ROBO2: variants seen among roughly 807,000 people sequenced by gnomAD.
The protein encoded by ROBO2 is roundabout homolog 2.
ROBO2 carries 53 observed loss-of-function variants against 160.8 expected under a neutral mutation model. The ratio of observed to expected loss-of-function variants is 0.33; its 90% CI spans 0.26 to 0.41. The LOEUF (loss-of-function observed/expected upper bound fraction) is 0.41. Ranked by LOEUF, ROBO2 falls within the 10% of genes least tolerant of loss-of-function variation. The pLI, the probability that ROBO2 is intolerant of heterozygous loss-of-function variation, is 1.00. For synonymous variants in ROBO2, 664 were observed against 611.7 expected (o/e 1.09, Z -1.26); for missense variants, 1,577 against 1,722.4 (o/e 0.92, Z 1.49).
At chr3:76,293,491 C>T (rs1377650239) in intron 2 of ROBO2, among the ~76,000 whole-genome samples, 2 of 152,016 alleles carry the variant, frequency 1.3e-5, no homozygotes, top group South Asian at 2.1e-4. Context: ...GACAACAGTT[C>T]AAGCTGATGT....
At chr3:76,434,066 C>T in intron 2 of ROBO2, 2 of 1,311,876 alleles carry the variant, frequency 1.5e-6, no homozygotes, top group South Asian at 1.2e-5. Flanking sequence ...GGCAGTGGGC[C>T]TCCTGGAGGC....
intron 2 of ROBO2, among the ~76,000 whole-genome samples, chr3:77,352,453 C>A (rs927747823): frequency 1.3e-5 from 2 of 151,696 alleles, no homozygotes; most frequent in Non-Finnish European, 2.9e-5. Flanking sequence ...TCAGTTTTTA[C>A]ACAAAACAGC....
chr3:75,970,347 G>A lies in ROBO2; in HGVS notation c.109+32745G>A, dbSNP rs977973936. ...GAGCAAGCACATTTTTGAAGCACAG[G>A]GTAATTCTTGACAATAAAACCTGCA... On this transcript the variant is annotated intron_variant, in intron 2 of 26. Coordinates refer to the ROBO2 transcript ENST00000487694. Among the ~76,000 whole-genome samples the A allele has an allele frequency of 3.3e-5, 5 of 151,412 alleles. 1 individual carries two copies. Among genetic ancestry groups the A allele is most frequent in the Non-Finnish European group, 7.4e-5 (5 of 67,642 alleles).
intron 2 of ROBO2, among the ~76,000 whole-genome samples, chr3:76,733,142 C>G (rs537567745): frequency 3.3e-4 from 50 of 152,136 alleles, no homozygotes; most frequent in Admixed American, 7.9e-4. Flanking sequence ...ACAAATTACC[C>G]ATTTGAACAT....
chr3:77,361,530 C>T (rs1038879971), intron 2 of ROBO2, among the ~76,000 whole-genome samples: 1 of 152,096 alleles, frequency 6.6e-6, no homozygotes, highest in African/African-American at 2.4e-5. Flanking sequence ...TCTCACAGTT[C>T]TGGGTGCTGG....
At position 76,323,040 on chromosome 3, in the gene ROBO2, G is replaced by A. The variant is rs545797845; in HGVS notation, c.109+385438G>A. On this transcript the variant is annotated intron_variant, in intron 2 of 26. Transcript: ENST00000487694. Reference sequence around the variant, plus strand: ...TGCTATTTCATGTGGAACAAACAAGGTCATATATGCAAAGTAACTAGCAGT... The same window carrying A: ...TGCTATTTCATGTGGAACAAACAAGATCATATATGCAAAGTAACTAGCAGT... Among the ~76,000 whole-genome samples, 56 of 151,988 alleles carry A rather than the reference G, an allele frequency of 3.7e-4. 1 individual carries two copies. The South Asian group carries it at 0.011, about 30-fold the overall frequency.
chr3:77,219,902 G>C (rs557788315), intron 2 of ROBO2, among the ~76,000 whole-genome samples: 15 of 148,800 alleles, frequency 1.0e-4, no homozygotes, highest in Non-Finnish European at 1.6e-4. Flanking sequence ...TTAAGACAAA[G>C]TTCTTTAGTA....
At chr3:77,434,972 T>G (rs2079136890) in intron 2 of ROBO2, among the ~76,000 whole-genome samples, 1 of 152,078 alleles carries the variant, frequency 6.6e-6, no homozygotes, top group African/African-American at 2.4e-5. Flanking sequence ...TAATATTTTC[T>G]TAGGGCAATG....
intron 2 of ROBO2, among the ~76,000 whole-genome samples, chr3:76,200,971 A>G (rs1047390600): frequency 6.6e-6 from 1 of 152,202 alleles, no homozygotes; most frequent in African/African-American, 2.4e-5. Flanking sequence ...TTTGTGGAGC[A>G]TGAAATCATG....
At chr3:76,031,127 C>T (rs927489500) in intron 2 of ROBO2, among the ~76,000 whole-genome samples, 5 of 152,236 alleles carry the variant, frequency 3.3e-5, no homozygotes, top group African/African-American at 9.6e-5. Context: ...CTCTTCATAG[C>T]AGTTGTGAAT....
chr3:76,324,217 TA>T (rs2072821366), intron 2 of ROBO2, among the ~76,000 whole-genome samples: 1 of 152,080 alleles, frequency 6.6e-6, no homozygotes, highest in South Asian at 2.1e-4. Context: ...GTGCCAAAAG[TA>T]AAACACTGAA....
chr3:76,552,578 T>C (rs2083481683), intron 2 of ROBO2, among the ~76,000 whole-genome samples: 1 of 152,202 alleles, frequency 6.6e-6, no homozygotes, highest in Non-Finnish European at 1.5e-5. Flanking sequence ...CTGCTTCATA[T>C]CATGATATTC....
At chr3:77,299,843 T>C (rs2062490814) in intron 2 of ROBO2, among the ~76,000 whole-genome samples, 1 of 152,050 alleles carries the variant, frequency 6.6e-6, no homozygotes, top group African/African-American at 2.4e-5. Context: ...TGGCAGGCAA[T>C]GTCTGCCAAC....
At chr3:77,640,096 C>CTTTTTTTTTTT (rs1559785171) in intron 24 of ROBO2, among the ~76,000 whole-genome samples, 140 of 97,418 alleles carry the variant, frequency 1.4e-3, no homozygotes, top group Non-Finnish European at 1.8e-3. Flanking sequence ...GCAGAGGAAG[C>CTTTTTTTTTTT]ATTTTTTTTT....
chr3:77,530,209 T>C (rs961173252), intron 6 of ROBO2, among the ~76,000 whole-genome samples: 1 of 151,932 alleles, frequency 6.6e-6, no homozygotes, highest in Non-Finnish European at 1.5e-5. Flanking sequence ...TGAAGAAATA[T>C]GTACCAAGCA....
rs561781038 is a variant in ROBO2 at position 77,295,095 on chromosome 3, T to G, written c.389-182319T>G. Among the ~76,000 whole-genome samples the G allele has an allele frequency of 3.4e-4, 51 of 150,500 alleles. 1 individual carries two copies. Among genetic ancestry groups the G allele is most frequent in the East Asian group, 2.8e-3 (14 of 5,058 alleles). ...AGAGCACTAAAGACATAAAGTAAAT[T>G]TGACGGTTAAAAAGGTAAGCTGAGG... On this transcript the variant is annotated intron_variant, in intron 2 of 25. Transcript: ENST00000461745.
At chr3:77,272,113 G>T (rs903117797) in intron 2 of ROBO2, among the ~76,000 whole-genome samples, 2 of 152,084 alleles carry the variant, frequency 1.3e-5, no homozygotes, top group South Asian at 2.1e-4. Context: ...TTGTCTGATC[G>T]TCTTAAACCC....
chr3:77,287,944 T>C (rs970366550), intron 2 of ROBO2, among the ~76,000 whole-genome samples: 5 of 152,168 alleles, frequency 3.3e-5, no homozygotes, highest in African/African-American at 7.2e-5. Context: ...GACAATATTA[T>C]GTATAAAATT....
chr3:76,594,633 C>T (rs2086626160), intron 2 of ROBO2, among the ~76,000 whole-genome samples: 1 of 151,840 alleles, frequency 6.6e-6, no homozygotes, highest in Non-Finnish European at 1.5e-5. Flanking sequence ...CTAACAACTC[C>T]TCTGTCTCCA....
Sources: allele counts gnomAD v4.1 joint callset (sites outside exome capture counted in the v4.1 genomes callset), GRCh38; gene constraint gnomAD v4.1.1; transcripts MANE v1.5; gene names NCBI Gene and HGNC (gene_info 2026-07-23, HGNC 2026-07-21).